Variants in PARP8 observed in about 807,000 individuals in gnomAD.
PARP8 encodes protein mono-ADP-ribosyltransferase PARP8.
PARP8 carries 51 observed loss-of-function variants against 124.1 expected under a neutral mutation model. The ratio of observed to expected loss-of-function variants is 0.41; its 90% CI spans 0.33 to 0.52. The LOEUF (loss-of-function observed/expected upper bound fraction) is 0.52, where lower values mean the gene tolerates loss of function less well. Among genes scored for constraint, PARP8 ranks in the 20% least tolerant of loss-of-function variants. The pLI, the probability that PARP8 is intolerant of heterozygous loss-of-function variation, is 0.21. For missense variants in PARP8, 860 were observed against 1,018.9 expected, an observed-to-expected ratio of 0.84 and a Z score of 2.12; for synonymous variants, 391 against 361.5, an observed-to-expected ratio of 1.08 and a Z score of -0.93.
At chr5:50,801,279 A>T (rs1345360578) in intron 14 of PARP8, among the ~76,000 whole-genome samples, 1 of 151,896 alleles carries the variant, frequency 6.6e-6, no homozygotes, top group Non-Finnish European at 1.5e-5. Flanking sequence ...TTGTGTTTTT[A>T]TTAGAGACGG....
intron 7 of PARP8, among the ~76,000 whole-genome samples, chr5:50,769,532 T>C (rs1761391842): frequency 6.6e-6 from 1 of 152,052 alleles, no homozygotes; most frequent in Non-Finnish European, 1.5e-5. Context: ...ATAATGTTTA[T>C]TTAACCCAGT....
chr5:50,828,729 T>TTATATATA lies in PARP8; in HGVS notation c.2163+357_2163+364dup, dbSNP rs60312448. On this transcript the variant is annotated intron_variant, in intron 21 of 25. Coordinates refer to ENST00000281631, the MANE Select transcript of PARP8 (RefSeq NM_024615.4). ...ACCCTGTCTCTATTAAAAATACAAA[T>TTATATATA]TATATATATATATATATATTTATCC... 2.1e-3 allele frequency among the ~76,000 whole-genome samples: 314 copies of TTATATATA among 146,104 alleles called. 4 individuals are homozygous for TTATATATA. Among genetic ancestry groups the TTATATATA allele is most frequent in the South Asian group, 0.016 (72 of 4,622 alleles).
chr5:50,838,879 C>T (rs1317197604), intron 25 of PARP8, among the ~76,000 whole-genome samples: 2 of 152,014 alleles, frequency 1.3e-5, no homozygotes, highest in African/African-American at 2.4e-5. Context: ...TTTCAAGGCT[C>T]ATTCAAACAT....
chr5:50,722,549 T>C (rs1756003650), intron 2 of PARP8, among the ~76,000 whole-genome samples: 1 of 152,088 alleles, frequency 6.6e-6, no homozygotes, highest in African/African-American at 2.4e-5. Context: ...TGTATTGTGT[T>C]AAGTTTTTGA....
intron 2 of PARP8, among the ~76,000 whole-genome samples, chr5:50,717,552 A>T (rs1007021789): frequency 6.6e-6 from 1 of 151,932 alleles, no homozygotes; most frequent in African/African-American, 2.4e-5. Flanking sequence ...TAGAGACGAC[A>T]TTTAAAGCCC....
At chr5:50,704,371 C>T (rs1015085301) in intron 2 of PARP8, among the ~76,000 whole-genome samples, 13 of 152,176 alleles carry the variant, frequency 8.5e-5, no homozygotes, top group African/African-American at 3.1e-4. Flanking sequence ...ATTTTTCTGC[C>T]GTCTTTGAAA....
At chr5:50,720,764 G>T (rs1755794617) in intron 2 of PARP8, among the ~76,000 whole-genome samples, 1 of 151,414 alleles carries the variant, frequency 6.6e-6, no homozygotes, top group Non-Finnish European at 1.5e-5. Flanking sequence ...ACAAAAGCCT[G>T]CTTTTCCATG....
chr5:50,695,972 G>T (rs915864762), intron 2 of PARP8, among the ~76,000 whole-genome samples: 4 of 152,090 alleles, frequency 2.6e-5, no homozygotes, highest in Non-Finnish European at 5.9e-5. Context: ...AGAAATATAT[G>T]CTCTTTATTG....
chr5:50,790,874 A>G (rs989637227), intron 10 of PARP8, among the ~76,000 whole-genome samples: 2 of 152,114 alleles, frequency 1.3e-5, no homozygotes, highest in African/African-American at 4.8e-5. Context: ...GATTAGAATT[A>G]TTTTATGATC....
intron 2 of PARP8, among the ~76,000 whole-genome samples, chr5:50,703,344 T>C (rs1753792905): frequency 6.6e-6 from 1 of 151,780 alleles, no homozygotes; most frequent in African/African-American, 2.4e-5. Flanking sequence ...AACATGATGA[T>C]ATCATAATCA....
intron 7 of PARP8, among the ~76,000 whole-genome samples, chr5:50,770,431 T>G (rs1257291037): frequency 6.6e-6 from 1 of 152,132 alleles, no homozygotes; most frequent in Admixed American, 6.6e-5. Flanking sequence ...TTGCCAGTGT[T>G]CAGGGTCATT....
chr5:50,837,372 G>T (rs1370546976), intron 25 of PARP8, among the ~76,000 whole-genome samples: 2 of 152,110 alleles, frequency 1.3e-5, no homozygotes, highest in African/African-American at 2.4e-5. Flanking sequence ...CTCTATAAAA[G>T]ATATGATCAC....
intron 25 of PARP8, among the ~76,000 whole-genome samples, chr5:50,839,268 C>T (rs749235937): frequency 4.6e-5 from 7 of 151,968 alleles, no homozygotes; most frequent in East Asian, 3.9e-4. Context: ...TCCTTTTAGA[C>T]GTTTTCATTT....
chr5:50,801,640 A>T (rs1304465837), intron 14 of PARP8, among the ~76,000 whole-genome samples: 1 of 152,154 alleles, frequency 6.6e-6, no homozygotes, highest in Non-Finnish European at 1.5e-5. Context: ...CAAAGAACAG[A>T]TTCTTCATTT....
intron 7 of PARP8, among the ~76,000 whole-genome samples, chr5:50,767,563 C>T (rs1268590642): frequency 6.6e-6 from 1 of 152,244 alleles, no homozygotes; most frequent in Non-Finnish European, 1.5e-5. Flanking sequence ...TTTAAGCTGA[C>T]TGCAGAGTTG....
Position 50,842,348 on chromosome 5 carries a change from T to C in PARP8, c.*280T>C, listed in dbSNP as rs772204546. ...AATAAACAGATTGAAAAAACTGTTT[T>C]GTGCTGATATTTTTATACTAAACTC... On this transcript the variant is annotated 3_prime_UTR_variant, in exon 26 of 26. Transcript: ENST00000281631. 40 of 243,152 alleles carry C rather than the reference T, an allele frequency of 1.6e-4. No individual in the cohort carries two copies. The Admixed American group carries it at 2.1e-3, about 13-fold the overall frequency. The allele number at this position is 243,152 out of a possible 1,614,324, so 15.1% of individuals were successfully genotyped here. A position where few individuals can be genotyped will look rare whatever the true frequency, so the allele number is the denominator to read the frequency against.
At chr5:50,761,348 T>C (rs1760520193) in intron 5 of PARP8, among the ~76,000 whole-genome samples, 1 of 152,158 alleles carries the variant, frequency 6.6e-6, no homozygotes, top group South Asian at 2.1e-4. Context: ...TCAAAAGTTC[T>C]CATATGTTTC....
Position 50,750,193 on chromosome 5 carries a change from G to C in PARP8, c.184+5G>C. On this transcript the variant is annotated splice_donor_5th_base_variant and intron_variant, in intron 3 of 25. Coordinates refer to ENST00000281631, the MANE Select transcript of PARP8 (RefSeq NM_024615.4). Reference sequence around the variant, plus strand: ...ATGTATCTGAAGATTACCCAGGTATGCTTTTCTTGTTTTATTACAGATATT... The same window carrying C: ...ATGTATCTGAAGATTACCCAGGTATCCTTTTCTTGTTTTATTACAGATATT... 1 of 1,583,600 alleles carries C rather than the reference G, an allele frequency of 6.3e-7. No individual in the cohort carries two copies. Among genetic ancestry groups the C allele is most frequent in the African/African-American group, 1.3e-5 (1 of 74,134 alleles).
At position 50,666,825 on chromosome 5, in the gene PARP8, A is replaced by G. The variant is rs1359644001; in HGVS notation, c.-271A>G. ...CTTGGTGTCATCACCATCCATTGTCAGAAGGGGAGGAAATTGGAATCCAGC... is the reference window on the plus strand; with the variant it reads ...CTTGGTGTCATCACCATCCATTGTCGGAAGGGGAGGAAATTGGAATCCAGC... On this transcript the variant is annotated 5_prime_UTR_variant, in exon 1 of 26. Coordinates refer to ENST00000281631, the MANE Select transcript of PARP8 (RefSeq NM_024615.4). 1 of 1,282,884 alleles carries G rather than the reference A, an allele frequency of 7.8e-7. No individual in the cohort carries two copies. Among genetic ancestry groups the G allele is most frequent in the Non-Finnish European group, 1.0e-6 (1 of 1,000,552 alleles). 79.5% of individuals were successfully genotyped at this position (1,282,884 alleles called of 1,614,324 possible).
Sources: gnomAD v4.1 joint callset for allele counts (sites outside exome capture counted in the v4.1 genomes callset) on GRCh38, gnomAD v4.1.1 for gene constraint, MANE v1.5 for transcripts, NCBI Gene and HGNC (gene_info 2026-07-23, HGNC 2026-07-21) for gene names.